The following USP35 variants were observed in gnomAD, a reference collection of about 807,000 sequenced individuals.
USP35 encodes ubiquitin carboxyl-terminal hydrolase 35.
Under a neutral mutation model 83.8 loss-of-function variants are expected in USP35, and 69 were observed. The ratio of observed to expected loss-of-function variants is 0.82; its 90% CI spans 0.68 to 1.01. The LOEUF (loss-of-function observed/expected upper bound fraction) is 1.01. Among genes scored for constraint, USP35 ranks in the 50% least tolerant of loss-of-function variants. USP35 has a pLI of 0.00. For missense variants in USP35, 1,503 were observed against 1,362.5 expected, an observed-to-expected ratio of 1.10 and a Z score of -1.62; for synonymous variants, 714 against 589.5, an observed-to-expected ratio of 1.21 and a Z score of -3.06.
chr11:78,232,678 A>G, the USP35 span, among the ~76,000 whole-genome samples: 1 of 152,244 alleles, frequency 6.6e-6, no homozygotes, highest in Non-Finnish European at 1.5e-5. Flanking sequence ...TGATAAATAC[A>G]TAATTCACAG....
chr11:78,219,223 G>C (rs771527647), downstream of USP35: 5 of 1,574,614 alleles, frequency 3.2e-6, no homozygotes, highest in East Asian at 2.3e-5. Flanking sequence ...GAGATGGGAA[G>C]GGCCAGCTCT....
the USP35 span, among the ~76,000 whole-genome samples, chr11:78,225,755 T>C: frequency 6.6e-6 from 1 of 152,218 alleles, no homozygotes; most frequent in African/African-American, 2.4e-5. Context: ...TCTATTTAAG[T>C]CTCTTAACTG....
chr11:78,221,700 T>C, the USP35 span: 1 of 1,612,958 alleles, frequency 6.2e-7, no homozygotes. Context: ...TTCTCTTCGC[T>C]GTCTCCTGAG....
Position 78,209,817 on chromosome 11 carries a change from C to A in USP35, c.1962C>A (p.Pro654=), listed in dbSNP as rs2512527. Residue 654 remains proline, a synonymous_variant, in exon 10 of 11, where the codon CCC becomes CCA. Coordinates refer to ENST00000529308, the MANE Select transcript of USP35 (RefSeq NM_020798.4). ...RKHCITEDTP[P]TSLYIEGLDS... Reference sequence around the variant, plus strand: ...ACTGCATCACAGAGGACACCCCCCCCACCAGCCTGTACATCGAAGGCCTGG... The same window carrying A: ...ACTGCATCACAGAGGACACCCCCCCAACCAGCCTGTACATCGAAGGCCTGG... 257,332 of 1,612,994 alleles carry A rather than the reference C, an allele frequency of 0.16. 24,647 individuals carry two copies. The highest frequency in any genetic ancestry group is 0.41 in the East Asian group (18,295 of 44,748).
downstream of USP35, chr11:78,219,036 A>C: frequency 2.0e-6 from 1 of 508,464 alleles, no homozygotes; most frequent in Non-Finnish European, 3.5e-6. Context: ...GGGTGGAGGC[A>C]TGGCCATTAC....
intron 1 of USP35, among the ~76,000 whole-genome samples, chr11:78,195,210 C>T (rs758660833): frequency 4.6e-5 from 7 of 152,118 alleles, no homozygotes; most frequent in East Asian, 1.9e-4. Context: ...GAGGCCCCAG[C>T]GGATTGTAGG....
intron 1 of USP35, among the ~76,000 whole-genome samples, chr11:78,191,455 G>T (rs1863002116): frequency 6.6e-6 from 1 of 152,208 alleles, no homozygotes; most frequent in African/African-American, 2.4e-5. Context: ...AAAGGCTAAG[G>T]GGTGGGCACG....
At chr11:78,203,887 C>CCT (rs1555086612) in intron 6 of USP35, among the ~76,000 whole-genome samples, 1 of 124,414 alleles carries the variant, frequency 8.0e-6, no homozygotes. Context: ...CCATATTTTT[C>CCT]TTTTCTTTTT....
Position 78,197,945 on chromosome 11 carries a change from C to A in USP35, c.683C>A (p.Pro228Gln), listed in dbSNP as rs1191521490. The A allele has an allele frequency of 1.2e-6, 2 of 1,614,096 alleles. No homozygotes were observed. Among genetic ancestry groups the A allele is most frequent in the Non-Finnish European group, 1.7e-6 (2 of 1,179,962 alleles). ...FAVISCAEEE[P>Q]PSSALASVVQ... ...CTGTCCCCTGTTCCAGAGGAGGAGC[C>A]ACCATCTAGCGCCCTGGCCAGCGTG... Residue 228 changes from proline (P) to glutamine (Q), a missense_variant, in exon 3 of 11, where the codon CCA becomes CAA. Pro to Gln is a moderately conservative substitution (Grantham distance 76, BLOSUM62 -1). Transcript: ENST00000529308.
chr11:78,210,393 C>T lies in USP35; in HGVS notation c.2538C>T (p.Asp846=), dbSNP rs767375115. 2.0e-5 allele frequency: 32 copies of T among 1,613,838 alleles called. 1 individual carries two copies. The highest frequency in any genetic ancestry group is 2.4e-5 in the Non-Finnish European group (28 of 1,180,056). ...PLAGGRGQAY[D]LCSVVVHSGV... is the part of the protein sequence containing the mutation. ...CTGGTGGCCGTGGCCAGGCCTATGA[C>T]CTCTGCAGTGTGGTGGTGCACTCTG... is the stretch of plus-strand genomic sequence containing the variant. Residue 846 remains aspartate, a synonymous_variant, in exon 10 of 11, where the codon GAC becomes GAT. Coordinates refer to ENST00000529308, the MANE Select transcript of USP35 (RefSeq NM_020798.4).
In USP35 at chr11:78,213,691, C is replaced by A. The variant is rs1400830861; in HGVS notation, c.2935C>A (p.Leu979Ile). The change falls in exon 11 of 11, where the codon CTC becomes ATC. Residue 979 changes from leucine (L) to isoleucine (I), a missense_variant. Transcript: ENST00000529308. ...ARSRAAYISA[L>I]PTSPHWGRGF... ...GAGCAGGGCGGCCTACATCTCTGCA[C>A]TCCCCACATCTCCGCACTGGGGGAG... 1 of 1,522,396 alleles carries A rather than the reference C, an allele frequency of 6.6e-7. No individual in the cohort carries two copies. The highest frequency in any genetic ancestry group is 8.7e-7 in the Non-Finnish European group (1 of 1,144,476). 94.3% of individuals were successfully genotyped at this position (1,522,396 alleles called of 1,614,324 possible).
At chr11:78,231,333 T>TG in the USP35 span, among the ~76,000 whole-genome samples, 43 of 104,028 alleles carry the variant, frequency 4.1e-4, no homozygotes, top group South Asian at 2.2e-3. Context: ...CGCGCGCGTG[T>TG]GTGGTGTGTG....
chr11:78,236,659 A>G, the USP35 span, among the ~76,000 whole-genome samples: 15 of 152,150 alleles, frequency 9.9e-5, no homozygotes, highest in Admixed American at 9.8e-4. Flanking sequence ...GTTTGCTAAG[A>G]AATACTTTTT....
chr11:78,205,919 G>A lies in USP35; in HGVS notation c.1275G>A (p.Leu425=). 3 of 1,614,256 alleles carry A rather than the reference G, an allele frequency of 1.9e-6. No homozygotes were observed. Among genetic ancestry groups the A allele is most frequent in the Non-Finnish European group, 2.5e-6 (3 of 1,180,040 alleles). ...QDAWTSQKSE[L]AGFYPRLMAK... is the part of the protein sequence containing the mutation. ...CCTGGACTTCGCAGAAGAGCGAGCT[G>A]GCGGGTTTCTATCCCCGGCTCATGG... The change falls in exon 7 of 11, where the codon CTG becomes CTA. Residue 425 remains leucine (L), a synonymous_variant. Transcript: ENST00000529308.
Position 78,196,969 on chromosome 11 carries a change from G to A in USP35, c.673+51G>A. ...GCGGGCATGCGGAGGTCCTGGGTGG[G>A]CGCTTGGGTAGGTGGCTGTACGTGT... On this transcript the variant is annotated intron_variant, in intron 2 of 10. Transcript: ENST00000529308. This position sits in a 1 kb window ranked among gnomAD's most constrained non-coding sequence, Gnocchi z 4.8. 1.4e-6 allele frequency: 2 copies of A among 1,424,156 alleles called. No individual in the cohort carries two copies. Among genetic ancestry groups the A allele is most frequent in the South Asian group, 1.5e-5 (1 of 64,652 alleles). The allele number at this position is 1,424,156 out of a possible 1,614,324, so 88.2% of individuals were successfully genotyped here.
At chr11:78,211,991 T>C (rs1863798669) in intron 10 of USP35, among the ~76,000 whole-genome samples, 2 of 152,272 alleles carry the variant, frequency 1.3e-5, no homozygotes. Context: ...TTGCTTTTGA[T>C]GTTTCCATCA....
chr11:78,196,864 C>A lies in USP35; in HGVS notation c.619C>A (p.Pro207Thr). Residue 207 changes from proline to threonine, a missense_variant, in exon 2 of 11, where the codon CCC becomes ACC. By Grantham distance (38) the Pro-to-Thr change is conservative (BLOSUM62 -1). Coordinates refer to ENST00000529308, the MANE Select transcript of USP35 (RefSeq NM_020798.4). This position sits in a 1 kb window ranked among gnomAD's most constrained non-coding sequence, Gnocchi z 4.8. Reference protein sequence around the residue: ...GLLAQLWRAQPAAILPCLKEL... With the variant: ...GLLAQLWRAQTAAILPCLKEL... ...CCTGGCGCAGCTGTGGCGCGCACAG[C>A]CCGCCGCCATCCTGCCCTGCCTCAA... 3.4e-6 allele frequency: 5 copies of A among 1,489,318 alleles called. No individual in the cohort carries two copies. Among genetic ancestry groups the A allele is most frequent in the Non-Finnish European group, 4.4e-6 (5 of 1,124,018 alleles). 92.3% of individuals were successfully genotyped at this position (1,489,318 alleles called of 1,614,324 possible). A position where few individuals can be genotyped will look rare whatever the true frequency, so the allele number is the denominator to read the frequency against.
chr11:78,212,300 GTC>G (rs1272995907), intron 10 of USP35, among the ~76,000 whole-genome samples: 1 of 152,056 alleles, frequency 6.6e-6, no homozygotes, highest in African/African-American at 2.4e-5. Flanking sequence ...TGGTCTATGT[GTC>G]TGTTTTTATA....
chr11:78,209,169 G>T (rs1055058068), intron 9 of USP35, among the ~76,000 whole-genome samples: 2 of 152,192 alleles, frequency 1.3e-5, no homozygotes, highest in Non-Finnish European at 2.9e-5. Flanking sequence ...TCTCTGGGAG[G>T]TCATTGTGTA....
Sources: gnomAD v4.1 joint callset for allele counts (sites outside exome capture counted in the v4.1 genomes callset) on GRCh38, gnomAD v4.1.1 for gene constraint, Gnocchi (gnomAD v3.1) non-coding constraint, MANE v1.5 for transcripts, NCBI Gene and HGNC (gene_info 2026-07-23, HGNC 2026-07-21) for gene names.